Variants in GNA15 observed in about 807,000 individuals in gnomAD.
GNA15 encodes the protein G protein subunit alpha 15.
GNA15 carries 23 observed loss-of-function variants against 40.1 expected under a neutral mutation model. The observed-to-expected ratio is 0.57, with a 90% CI of 0.41 to 0.81. GNA15 has a LOEUF of 0.81. Among genes scored for constraint, GNA15 ranks in the 40% least tolerant of loss-of-function variants. The probability of loss-of-function intolerance (pLI) is 0.00; values close to 1 mark genes in which losing one functional copy is unlikely to be tolerated. For synonymous variants in GNA15, 226 were observed against 210.4 expected, an observed-to-expected ratio of 1.07 and a Z score of -0.64; for missense variants, 522 against 515.8, an observed-to-expected ratio of 1.01 and a Z score of -0.12.
chr19:3,139,187 CCT>C (rs1432867760), intron 1 of GNA15, among the ~76,000 whole-genome samples: 1 of 151,972 alleles, frequency 6.6e-6, no homozygotes, highest in Non-Finnish European at 1.5e-5. Flanking sequence ...CTCAGGTGAT[CCT>C]ACCACCTTGG....
At position 3,147,022 on chromosome 19, in the gene GNA15, G is replaced by A. The variant is rs563636453; in HGVS notation, c.146-1569G>A. 3.3e-5 allele frequency among the ~76,000 whole-genome samples: 5 copies of A among 152,158 alleles called. No homozygotes were observed. In the South Asian group the frequency reaches 1.0e-3, roughly 32 times the overall value. ...TTGCACAAGCTGTTACTGTCACCTG[G>A]TGTGCCCTCTAAGATTTTGACAGCC... On this transcript the variant is annotated intron_variant, in intron 1 of 6. Transcript: ENST00000262958.
intron 6 of GNA15, among the ~76,000 whole-genome samples, chr19:3,158,262 A>C (rs1915074414): frequency 1.3e-5 from 2 of 151,326 alleles, no homozygotes; most frequent in Admixed American, 1.3e-4. Flanking sequence ...CGATTCTCCT[A>C]CCTCAGCCTC....
At chr19:3,140,150 A>G (rs1914549359) in intron 1 of GNA15, among the ~76,000 whole-genome samples, 2 of 151,446 alleles carry the variant, frequency 1.3e-5, no homozygotes, top group Non-Finnish European at 2.9e-5. Context: ...ATGTCTTATT[A>G]TTTTAAATAA....
Position 3,157,872 on chromosome 19 carries a change from A to C in GNA15, c.889A>C (p.Ser297Arg). 3 of 1,612,952 alleles carry C rather than the reference A, an allele frequency of 1.9e-6. No homozygotes were observed. Among genetic ancestry groups the C allele is most frequent in the Non-Finnish European group, 2.5e-6 (3 of 1,178,874 alleles). The change falls in exon 6 of 7, where the codon AGT becomes CGT. Residue 297 changes from serine to arginine, a missense_variant. Coordinates refer to ENST00000262958, the MANE Select transcript of GNA15 (RefSeq NM_002068.4). The stretch of plus-strand genomic sequence containing the variant: ...CTCCCACCTGGCTACCTATTTCCCC[A>C]GTTTCCAGGGTAAGTAATTCTAGAA... ...PTSHLATYFP[S>R]FQGPKQDAEA...
intron 2 of GNA15, chr19:3,149,170 C>T (rs1914815892): frequency 2.5e-5 from 5 of 201,112 alleles, no homozygotes; most frequent in South Asian, 1.7e-4. Context: ...GATGCCCCCA[C>T]ACAGATGCAC....
chr19:3,147,716 C>T (rs930362688), intron 1 of GNA15, among the ~76,000 whole-genome samples: 1 of 151,596 alleles, frequency 6.6e-6, no homozygotes, highest in Non-Finnish European at 1.5e-5. Flanking sequence ...GAAACCCCGT[C>T]TCTACTAAAA....
Position 3,146,171 on chromosome 19 carries a change from G to A in GNA15, c.146-2420G>A, listed in dbSNP as rs184445746. Reference sequence around the variant, plus strand: ...CGACCCCTACCCCCGCCCTCTGCACGCCAACCCTGGAGGCAGAAGCAGTCC... The same window carrying A: ...CGACCCCTACCCCCGCCCTCTGCACACCAACCCTGGAGGCAGAAGCAGTCC... On this transcript the variant is annotated intron_variant, in intron 1 of 6. Transcript: ENST00000262958. Among the ~76,000 whole-genome samples, 863 of 152,104 alleles carry A rather than the reference G, an allele frequency of 5.7e-3. 10 individuals carry two copies. The highest frequency in any genetic ancestry group is 0.02 in the African/African-American group (819 of 41,476).
intron 6 of GNA15, among the ~76,000 whole-genome samples, chr19:3,158,673 G>A (rs1483815866): frequency 3.3e-5 from 5 of 152,018 alleles, no homozygotes; most frequent in Admixed American, 6.6e-5. Context: ...CCAGGCTGGA[G>A]TACAGTGGTG....
In GNA15 at chr19:3,148,658, G is replaced by T; in HGVS notation, c.213G>T (p.Ser71=). The change falls in exon 2 of 7, where the codon TCG becomes TCT. Residue 71 remains serine (S), a synonymous_variant. Coordinates refer to ENST00000262958, the MANE Select transcript of GNA15 (RefSeq NM_002068.4). ...GGATCATCCACGGCGCCGGCTACTC[G>T]GAGGAGGAGCGCAAGGGCTTCCGGC... ...QMRIIHGAGY[S]EEERKGFRPL... 1 of 1,591,478 alleles carries T rather than the reference G, an allele frequency of 6.3e-7. No individual in the cohort carries two copies. The highest frequency in any genetic ancestry group is 8.6e-7 in the Non-Finnish European group (1 of 1,169,116).
rs1338728194 is a variant in GNA15, at chr19:3,151,616, C to CA, written c.486-91_486-90insA. ...CCTCCACCCAGGGAGCTCTCCTCCC[C>CA]CAGCAGGGTCCTTGCTGGGCCTTTC... On this transcript the variant is annotated intron_variant, in intron 3 of 6. Transcript: ENST00000262958. This position sits in a 1 kb window ranked among gnomAD's most constrained non-coding sequence, Gnocchi z 5.0. 1 of 1,425,484 alleles carries CA rather than the reference C, an allele frequency of 7.0e-7. No individual in the cohort carries two copies. Among genetic ancestry groups the CA allele is most frequent in the East Asian group, 2.6e-5 (1 of 38,666 alleles). The allele number at this position is 1,425,484 out of a possible 1,614,324, so 88.3% of individuals were successfully genotyped here.
At chr19:3,153,293 A>C (rs1914924414) in intron 4 of GNA15, among the ~76,000 whole-genome samples, 1 of 150,432 alleles carries the variant, frequency 6.6e-6, no homozygotes. Context: ...AAGGGAATGG[A>C]TGGGTGGATG....
chr19:3,162,903 C>T lies in GNA15; in HGVS notation c.1009C>T (p.Arg337Ter). Residue 337 changes from arginine to a stop codon, truncating the protein, a stop_gained, in exon 7 of 7, where the codon CGA becomes TGA. Transcript: ENST00000262958. LOFTEE classifies it high-confidence loss of function. ...GGGCAGCAAGAAGGGCGCACGATCC[C>T]GACGCCTCTTCAGCCACTACACATG... Reference protein sequence around the residue: ...PEGSKKGARSRRLFSHYTCAT... With the variant: ...PEGSKKGARS 1 of 1,613,816 alleles carries T rather than the reference C, an allele frequency of 6.2e-7. No individual in the cohort carries two copies. The highest frequency in any genetic ancestry group is 8.5e-7 in the Non-Finnish European group (1 of 1,179,722).
chr19:3,137,199 A>G (rs1364912488), intron 1 of GNA15, among the ~76,000 whole-genome samples: 2 of 152,222 alleles, frequency 1.3e-5, no homozygotes, highest in African/African-American at 2.4e-5. Flanking sequence ...CCTGGATCTC[A>G]TTTCCTGTGA....
intron 1 of GNA15, among the ~76,000 whole-genome samples, chr19:3,140,044 A>AATCTATCTATCTATCTATCTATCTATCT (rs59955919): frequency 8.1e-6 from 1 of 124,054 alleles, no homozygotes; most frequent in African/African-American, 2.9e-5. Flanking sequence ...AAAAAAAAAA[A>AATCTATCTATCTATCTATCTATCTATCT]ATCTATCTAT....
Position 3,162,924 on chromosome 19 carries a change from A to T in GNA15, c.1030A>T (p.Thr344Ser), listed in dbSNP as rs1271750566. The T allele has an allele frequency of 6.2e-7, 1 of 1,613,812 alleles. No homozygotes were observed. The highest frequency in any genetic ancestry group is 8.5e-7 in the Non-Finnish European group (1 of 1,179,872). Reference protein sequence around the residue: ...ARSRRLFSHYTCATDTQNIRK... With the variant: ...ARSRRLFSHYSCATDTQNIRK... ...ATCCCGACGCCTCTTCAGCCACTAC[A>T]CATGTGCCACAGACACACAGAACAT... The change falls in exon 7 of 7, where the codon ACA (threonine) becomes TCA (serine). Residue 344 changes from threonine to serine, a missense_variant. Transcript: ENST00000262958.
At position 3,163,160 on chromosome 19, in the gene GNA15, G is replaced by A; in HGVS notation, c.*141G>A. The A allele has an allele frequency of 3.2e-6, 2 of 634,416 alleles. No individual in the cohort carries two copies. Among genetic ancestry groups the A allele is most frequent in the Non-Finnish European group, 2.8e-6 (1 of 353,944 alleles). The allele number at this position is 634,416 out of a possible 1,614,324, so 39.3% of individuals were successfully genotyped here. A position where few individuals can be genotyped will look rare whatever the true frequency, so the allele number is the denominator to read the frequency against. On this transcript the variant is annotated 3_prime_UTR_variant, in exon 7 of 7. Coordinates refer to ENST00000262958, the MANE Select transcript of GNA15 (RefSeq NM_002068.4). ...TCGGGGGACGGACGGCCCGCTGCTG[G>A]CCGCTCTCTTCTCTGCCTCTCACCA...
intron 6 of GNA15, among the ~76,000 whole-genome samples, chr19:3,162,140 G>A (rs2144866076): frequency 6.6e-6 from 1 of 152,166 alleles, no homozygotes; most frequent in East Asian, 1.9e-4. Context: ...TAATCTTCAT[G>A]TTAAAACCCT....
At position 3,136,343 on chromosome 19, in the gene GNA15, G is replaced by A. The variant is rs1446582925; in HGVS notation, c.-108G>A. 15 of 1,147,286 alleles carry A rather than the reference G, an allele frequency of 1.3e-5. No individual in the cohort carries two copies. Among genetic ancestry groups the A allele is most frequent in the Middle Eastern group, 3.0e-4 (1 of 3,364 alleles). 71.1% of individuals were successfully genotyped at this position (1,147,286 alleles called of 1,614,324 possible). A position where few individuals can be genotyped will look rare whatever the true frequency, so the allele number is the denominator to read the frequency against. ...CCCAAGGAAAAGGCAGCCTCCCTGC[G>A]CACCCGGTTGCCCGGAGCCCTCTCC... On this transcript the variant is annotated 5_prime_UTR_variant, in exon 1 of 7. Coordinates refer to ENST00000262958, the MANE Select transcript of GNA15 (RefSeq NM_002068.4). The surrounding 1 kb of genome is among the most constrained non-coding windows in gnomAD (Gnocchi z 4.9).
intron 1 of GNA15, among the ~76,000 whole-genome samples, chr19:3,147,830 G>A (rs1300937112): frequency 2.0e-5 from 3 of 146,844 alleles, no homozygotes; most frequent in African/African-American, 7.6e-5. Flanking sequence ...GGAGCTTGCA[G>A]TGAGCCGAGG....
Sources: gnomAD v4.1 joint callset for allele counts (sites outside exome capture counted in the v4.1 genomes callset) on GRCh38, gnomAD v4.1.1 for gene constraint, Gnocchi (gnomAD v3.1) non-coding constraint, MANE v1.5 for transcripts, NCBI Gene and HGNC (gene_info 2026-07-23, HGNC 2026-07-21) for gene names.